ATE1: variants seen among roughly 807,000 people sequenced by gnomAD.
The protein encoded by ATE1 is arginyltransferase 1.
In ATE1, 36 loss-of-function variants were observed where a neutral mutation model predicts 70.5. The observed-to-expected ratio is 0.51, with a 90% CI of 0.39 to 0.67. ATE1 has a LOEUF of 0.67. ATE1 is among the 30% of genes least tolerant of loss of function. The probability of loss-of-function intolerance (pLI) is 0.00; values close to 1 mark genes in which losing one functional copy is unlikely to be tolerated. For synonymous variants in ATE1, 232 were observed against 219.3 expected (o/e 1.06, Z -0.51); for missense variants, 593 against 629.5 (o/e 0.94, Z 0.62).
Position 121,818,200 on chromosome 10 carries a change from T to C in ATE1, c.1257+18518A>G, listed in dbSNP as rs977645419. Among the ~76,000 whole-genome samples the C allele has an allele frequency of 3.4e-5, 4 of 119,258 alleles. No homozygotes were observed. The Admixed American group carries it at 3.7e-4, about 11-fold the overall frequency. 78.2% of individuals were successfully genotyped at this position (119,258 alleles called of 152,430 possible). A position where few individuals can be genotyped will look rare whatever the true frequency, so the allele number is the denominator to read the frequency against. On this transcript the variant is annotated intron_variant, in intron 10 of 11. Transcript: ENST00000224652. ...TGAGCCTGAAAGGCAGAGCTTACAG[T>C]GAACTGAGATTGCACCACTGCACTC... is the stretch of plus-strand genomic sequence containing the variant.
chr10:121,880,635 T>G (rs780229968), intron 7 of ATE1, among the ~76,000 whole-genome samples: 1 of 151,388 alleles, frequency 6.6e-6, no homozygotes, highest in African/African-American at 2.4e-5. Context: ...TTTTTACATA[T>G]TCTTAAGGGC....
chr10:121,887,140 A>C (rs1427444246), intron 7 of ATE1, among the ~76,000 whole-genome samples: 2 of 152,128 alleles, frequency 1.3e-5, no homozygotes, highest in African/African-American at 4.8e-5. Flanking sequence ...ACTTGCAGAG[A>C]GCAAGCTGAG....
intron 10 of ATE1, 65 bp downstream of exon 10, chr10:121,836,653 T>C: frequency 2.8e-6 from 3 of 1,090,096 alleles, no homozygotes; most frequent in South Asian, 1.5e-5. Flanking sequence ...TGCCCTGAGA[T>C]AAAAATTTTA....
intron 7 of ATE1, among the ~76,000 whole-genome samples, chr10:121,880,838 T>C (rs1950204122): frequency 6.6e-6 from 1 of 152,160 alleles, no homozygotes; most frequent in Non-Finnish European, 1.5e-5. Flanking sequence ...AAAGGTACTA[T>C]TGTTCACTTG....
At position 121,764,466 on chromosome 10, in the gene ATE1, G is replaced by T. The variant is rs1406796012; in HGVS notation, c.1379-20608C>A. Among the ~76,000 whole-genome samples the T allele has an allele frequency of 2.3e-5, 3 of 131,290 alleles. No homozygotes were observed. The East Asian group carries it at 6.5e-4, about 29-fold the overall frequency. 86.1% of individuals were successfully genotyped at this position (131,290 alleles called of 152,430 possible). ...AGCCCAGGCAACATAGCAAGACCTT[G>T]TCTGTACCGGTTCCTGCAAAAAAAA... On this transcript the variant is annotated intron_variant, in intron 11 of 11. Transcript: ENST00000224652.
At chr10:121,825,467 C>T (rs571442384) in intron 10 of ATE1, among the ~76,000 whole-genome samples, 1 of 152,294 alleles carries the variant, frequency 6.6e-6, no homozygotes, top group South Asian at 2.1e-4. Flanking sequence ...AGCAGTTTCT[C>T]CCATTACCAA....
chr10:121,822,672 G>A (rs531949239), intron 10 of ATE1, among the ~76,000 whole-genome samples: 8 of 152,238 alleles, frequency 5.3e-5, no homozygotes, highest in African/African-American at 1.9e-4. Context: ...CATCTTCCGT[G>A]CACAGTACTC....
intron 8 of ATE1, among the ~76,000 whole-genome samples, chr10:121,851,686 C>A (rs1433363639): frequency 3.3e-5 from 5 of 152,196 alleles, no homozygotes; most frequent in African/African-American, 1.2e-4. Context: ...ATACATAAAT[C>A]TGTCATGTGA....
At chr10:121,899,071 G>T in intron 7 of ATE1, 3 of 1,357,536 alleles carry the variant, frequency 2.2e-6, no homozygotes, top group African/African-American at 1.5e-5. Context: ...CCACGCCAAA[G>T]CTCGAACTCG....
chr10:121,880,917 T>C (rs541170985), intron 7 of ATE1, among the ~76,000 whole-genome samples: 1 of 152,204 alleles, frequency 6.6e-6, no homozygotes, highest in Non-Finnish European at 1.5e-5. Context: ...AGACCTAAAA[T>C]ACAAAAGCTA....
chr10:121,862,005 G>A (rs746530683), intron 8 of ATE1, among the ~76,000 whole-genome samples: 5 of 152,052 alleles, frequency 3.3e-5, no homozygotes, highest in Non-Finnish European at 7.3e-5. Flanking sequence ...CTCTGTTCCC[G>A]GGGCCTGGCT....
chr10:121,795,717 T>G (rs1442180522), intron 10 of ATE1, among the ~76,000 whole-genome samples: 2 of 152,182 alleles, frequency 1.3e-5, no homozygotes, highest in Non-Finnish European at 2.9e-5. Flanking sequence ...ATAAACCACT[T>G]TGAAATGTTA....
chr10:121,878,244 G>C (rs1405459467), intron 7 of ATE1, among the ~76,000 whole-genome samples: 1 of 152,140 alleles, frequency 6.6e-6, no homozygotes, highest in Non-Finnish European at 1.5e-5. Context: ...GAGCCTTCTA[G>C]CATGCTGAAA....
intron 7 of ATE1, among the ~76,000 whole-genome samples, chr10:121,886,327 C>A (rs915805186): frequency 6.6e-6 from 1 of 150,484 alleles, no homozygotes; most frequent in Non-Finnish European, 1.5e-5. Context: ...CTGGCCAGGG[C>A]TACTGTCTGT....
At chr10:121,813,999 G>C (rs1021899099) in intron 10 of ATE1, among the ~76,000 whole-genome samples, 1 of 152,224 alleles carries the variant, frequency 6.6e-6, no homozygotes, top group African/African-American at 2.4e-5. Context: ...GGGAATAGCA[G>C]TGTCCCTCAG....
In ATE1 at chr10:121,897,805, A is replaced by T. The variant is rs191697611; in HGVS notation, c.942+2061T>A. The stretch of plus-strand genomic sequence containing the variant: ...TGCGCCACTGCACTCCAGCCTGGCA[A>T]CAGAGCAAGACTCCGTCTCAAAAAA... On this transcript the variant is annotated intron_variant, in intron 7 of 11. Coordinates refer to ENST00000224652, the MANE Select transcript of ATE1 (RefSeq NM_001001976.3). Among the ~76,000 whole-genome samples, 30 of 150,050 alleles carry T rather than the reference A, an allele frequency of 2.0e-4. No homozygotes were observed. In the East Asian group the frequency reaches 4.7e-3, roughly 24 times the overall value.
intron 11 of ATE1, among the ~76,000 whole-genome samples, chr10:121,749,093 C>CTA (rs1944480649): frequency 6.6e-6 from 1 of 152,130 alleles, no homozygotes; most frequent in African/African-American, 2.4e-5. Flanking sequence ...GGCACAGAAA[C>CTA]ATCTAATAAT....
intron 7 of ATE1, among the ~76,000 whole-genome samples, chr10:121,876,973 A>G (rs1950075282): frequency 6.6e-6 from 1 of 152,088 alleles, no homozygotes; most frequent in Admixed American, 6.6e-5. Context: ...TCTCAAAAAA[A>G]AAAAAAAAAA....
rs1952176157 is a variant in ATE1, at chr10:121,927,999, G to C, written c.-50C>G. On this transcript the variant is annotated 5_prime_UTR_variant, in exon 1 of 12. Coordinates refer to ENST00000224652, the MANE Select transcript of ATE1 (RefSeq NM_001001976.3). Reference sequence around the variant, plus strand: ...CCGCCCGGCCCCGCGTCGCTAGCGCGGCCGCCGCCGCCACCCCACAATGCA... The same window carrying C: ...CCGCCCGGCCCCGCGTCGCTAGCGCCGCCGCCGCCGCCACCCCACAATGCA... The C allele has an allele frequency of 4.3e-6, 6 of 1,400,552 alleles. No homozygotes were observed. Among genetic ancestry groups the C allele is most frequent in the Non-Finnish European group, 5.6e-6 (6 of 1,073,934 alleles). The allele number at this position is 1,400,552 out of a possible 1,614,324, so 86.8% of individuals were successfully genotyped here. A position where few individuals can be genotyped will look rare whatever the true frequency, so the allele number is the denominator to read the frequency against.
Sources: gnomAD v4.1 joint callset for allele counts (sites outside exome capture counted in the v4.1 genomes callset) on GRCh38, gnomAD v4.1.1 for gene constraint, MANE v1.5 for transcripts, NCBI Gene and HGNC (gene_info 2026-07-23, HGNC 2026-07-21) for gene names.